ZNF596: variants seen among roughly 807,000 people sequenced by gnomAD.
The protein encoded by ZNF596 is zinc finger protein 596.
A neutral mutation model predicts 48.3 loss-of-function variants in ZNF596; 45 were observed. The observed-to-expected ratio is 0.93, with a 90% CI of 0.73 to 1.19. ZNF596 has a LOEUF of 1.19. Among genes scored for constraint, ZNF596 ranks in the 50% most tolerant of loss-of-function variants. The pLI is 0.00. For missense variants in ZNF596, 848 were observed against 599.7 expected, an observed-to-expected ratio of 1.41 and a Z score of -4.32; for synonymous variants, 270 against 202.0, an observed-to-expected ratio of 1.34 and a Z score of -2.85.
chr8:244,785 C>G (rs1796997262), intron 5 of ZNF596, 84 bp downstream of exon 5: 2 of 1,130,904 alleles, frequency 1.8e-6, no homozygotes, highest in South Asian at 1.4e-5. Flanking sequence ...AGGTACCTGA[C>G]TGTACTTAAA....
In ZNF596 at chr8:242,873, CCA is replaced by C; in HGVS notation, c.13-13_13-12del. On this transcript the variant is annotated splice_polypyrimidine_tract_variant and intron_variant, in intron 2 of 5. Coordinates refer to ENST00000398612, the MANE Select transcript of ZNF596 (RefSeq NM_001042416.3). ...GATAGCCCTGTTTGCAGTAGAATGT[CCA>C]TAATGTTTTAGGATTCCATGACCTT... is the stretch of plus-strand genomic sequence containing the variant. 1.3e-6 allele frequency: 2 copies of C among 1,525,352 alleles called. No individual in the cohort carries two copies. Among genetic ancestry groups the C allele is most frequent in the Non-Finnish European group, 1.8e-6 (2 of 1,126,974 alleles). 94.5% of individuals were successfully genotyped at this position (1,525,352 alleles called of 1,614,324 possible).
At chr8:238,194 A>G (rs1390702953) in intron 1 of ZNF596, among the ~76,000 whole-genome samples, 1 of 152,130 alleles carries the variant, frequency 6.6e-6, no homozygotes, top group African/African-American at 2.4e-5. Context: ...TCTTGAGCCA[A>G]GGTAGAGAAT....
rs771004447 is a variant in ZNF596, at chr8:246,428, C to T, written c.*66C>T. On this transcript the variant is annotated 3_prime_UTR_variant, in exon 6 of 6. Coordinates refer to ENST00000398612, the MANE Select transcript of ZNF596 (RefSeq NM_001042416.3). ...CAAACATACTACAGGAATATTATGT[C>T]TGTAATCAGTGTGGAAAAGCCTTTA... 1 of 1,504,586 alleles carries T rather than the reference C, an allele frequency of 6.6e-7. No individual in the cohort carries two copies. Among genetic ancestry groups the T allele is most frequent in the African/African-American group, 1.4e-5 (1 of 71,530 alleles). The allele number at this position is 1,504,586 out of a possible 1,614,324, so 93.2% of individuals were successfully genotyped here.
At chr8:233,010 T>C in intron 1 of ZNF596, 1 of 468,488 alleles carries the variant, frequency 2.1e-6, no homozygotes, top group Admixed American at 2.4e-5. Flanking sequence ...GGGCTCTTCC[T>C]TGGCAGGGGC....
intron 1 of ZNF596, 41 bp from the exon 2 acceptor site, chr8:240,783 A>T (rs1320109073): frequency 1.5e-6 from 2 of 1,324,748 alleles, no homozygotes; most frequent in East Asian, 4.6e-5. Context: ...GCAAAACTGG[A>T]GTGTCATGGT....
chr8:241,853 G>A (rs1316263825), intron 2 of ZNF596, among the ~76,000 whole-genome samples: 1 of 152,192 alleles, frequency 6.6e-6, no homozygotes, highest in Non-Finnish European at 1.5e-5. Context: ...GAGGCCTCCA[G>A]AAACTTACAA....
intron 1 of ZNF596, among the ~76,000 whole-genome samples, chr8:238,227 T>G (rs746064277): frequency 1.3e-5 from 2 of 151,960 alleles, no homozygotes; most frequent in Non-Finnish European, 2.9e-5. Flanking sequence ...TGTGTGGAGG[T>G]TTATGGTGGC....
intron 1 of ZNF596, among the ~76,000 whole-genome samples, chr8:235,038 C>T (rs1009461513): frequency 1.1e-4 from 17 of 152,112 alleles, no homozygotes; most frequent in African/African-American, 2.4e-5. Context: ...AACAATGAAT[C>T]AGTATTGATC....
At chr8:233,350 T>A (rs1326913276) in intron 1 of ZNF596, 1 of 329,082 alleles carries the variant, frequency 3.0e-6, no homozygotes, top group Non-Finnish European at 6.3e-6. Context: ...TTAGTTTCCC[T>A]TTTAAATTTA....
intron 2 of ZNF596, 37 bp from the exon 3 acceptor site, chr8:242,850 T>A (rs199949785): frequency 6.9e-7 from 1 of 1,447,906 alleles, no homozygotes; most frequent in Non-Finnish European, 9.2e-7. Flanking sequence ...TTGGCAGAGA[T>A]AGCCCTGTTT....
chr8:246,415 A>T lies in ZNF596; in HGVS notation c.*53A>T. The stretch of plus-strand genomic sequence containing the variant: ...AATACACCAAGGACAAACATACTAC[A>T]GGAATATTATGTCTGTAATCAGTGT... On this transcript the variant is annotated 3_prime_UTR_variant, in exon 6 of 6. Transcript: ENST00000398612. 6.6e-7 allele frequency: 1 copy of T among 1,520,084 alleles called. No homozygotes were observed. Among genetic ancestry groups the T allele is most frequent in the Non-Finnish European group, 8.8e-7 (1 of 1,140,608 alleles). The allele number at this position is 1,520,084 out of a possible 1,614,324, so 94.2% of individuals were successfully genotyped here. A position where few individuals can be genotyped will look rare whatever the true frequency, so the allele number is the denominator to read the frequency against.
intron 1 of ZNF596, among the ~76,000 whole-genome samples, chr8:235,636 T>C (rs1796587861): frequency 6.6e-6 from 1 of 152,224 alleles, no homozygotes; most frequent in South Asian, 2.1e-4. Context: ...TGCTATTTTA[T>C]ATTCTGTAGT....
In ZNF596 at chr8:240,730, G is replaced by A. The variant is rs56168541; in HGVS notation, c.-72-94G>A. ...CACCCCCTACCCACTGCATGTCCTT[G>A]TTGGTTGGACTGGGGCTAATAGCTT... is the stretch of plus-strand genomic sequence containing the variant. On this transcript the variant is annotated intron_variant, in intron 1 of 5. Transcript: ENST00000398612. The A allele has an allele frequency of 7.9e-4, 615 of 777,214 alleles. 2 individuals carry two copies. The African/African-American group carries it at 9.7e-3, about 12-fold the overall frequency. 48.1% of individuals were successfully genotyped at this position (777,214 alleles called of 1,614,324 possible). A position where few individuals can be genotyped will look rare whatever the true frequency, so the allele number is the denominator to read the frequency against.
intron 2 of ZNF596, 32 bp downstream of exon 2, chr8:240,939 T>C (rs200972480): frequency 6.2e-6 from 10 of 1,613,704 alleles, no homozygotes; most frequent in Non-Finnish European, 8.5e-6. Flanking sequence ...CTACTGAAAT[T>C]TGTACCCCTG....
At position 245,893 on chromosome 8, in the gene ZNF596, A is replaced by C. The variant is rs1453968716; in HGVS notation, c.1046A>C (p.His349Pro). ...LCGKAFSHCS[H>P]LRQHERSHNG... ...GGAAAAGCCTTCTCTCATTGTTCTC[A>C]CCTTAGACAACATGAGCGAAGTCAC... is the stretch of plus-strand genomic sequence containing the variant. Residue 349 changes from histidine to proline, a missense_variant, in exon 6 of 6, where the codon CAC (histidine) becomes CCC (proline). Transcript: ENST00000398612. The C allele has an allele frequency of 3.1e-6, 5 of 1,614,022 alleles. No individual in the cohort carries two copies. Among genetic ancestry groups the C allele is most frequent in the Non-Finnish European group, 4.2e-6 (5 of 1,179,994 alleles).
At chr8:237,219 C>G (rs1473652750) in intron 1 of ZNF596, 2 of 151,728 alleles carry the variant, frequency 1.3e-5, no homozygotes, top group Non-Finnish European at 2.9e-5. Context: ...TTCTTTCCAC[C>G]GTGGGTCTTT....
At chr8:239,936 A>G (rs1401159261) in intron 1 of ZNF596, among the ~76,000 whole-genome samples, 1 of 152,128 alleles carries the variant, frequency 6.6e-6, no homozygotes, top group Non-Finnish European at 1.5e-5. Context: ...AGAACAGAAG[A>G]CACTCTTATC....
chr8:245,037 G>A (rs1368790438), intron 5 of ZNF596, 117 bp from the exon 6 acceptor site: 2 of 1,247,182 alleles, frequency 1.6e-6, no homozygotes, highest in Non-Finnish European at 2.2e-6. Flanking sequence ...AGGAACAATT[G>A]TAACTGGAGT....
intron 1 of ZNF596, among the ~76,000 whole-genome samples, chr8:238,170 C>T (rs1053002100): frequency 2.6e-5 from 4 of 152,142 alleles, no homozygotes; most frequent in Non-Finnish European, 5.9e-5. Context: ...TTGTCTGCAG[C>T]GTGACTCCCA....
Sources: gnomAD v4.1 joint callset for allele counts (sites outside exome capture counted in the v4.1 genomes callset) on GRCh38, gnomAD v4.1.1 for gene constraint, MANE v1.5 for transcripts, NCBI Gene and HGNC (gene_info 2026-07-23, HGNC 2026-07-21) for gene names.